The following ITGA9 variants were observed in gnomAD, a reference collection of about 807,000 sequenced individuals.
ITGA9 encodes the protein integrin alpha-9.
ITGA9 carries 56 observed loss-of-function variants against 127.8 expected under a neutral mutation model. The observed-to-expected ratio is 0.44, with a 90% CI of 0.35 to 0.55. The LOEUF (loss-of-function observed/expected upper bound fraction) is 0.55, where lower values mean the gene tolerates loss of function less well. ITGA9 is among the 20% of genes least tolerant of loss of function. The pLI is 0.00. For missense variants in ITGA9, 1,196 were observed against 1,347.1 expected (o/e 0.89, Z 1.76); for synonymous variants, 508 against 514.5 (o/e 0.99, Z 0.17).
At chr3:37,562,290 A>G (rs1699499480) in intron 15 of ITGA9, among the ~76,000 whole-genome samples, 1 of 152,140 alleles carries the variant, frequency 6.6e-6, no homozygotes, top group South Asian at 2.1e-4. Context: ...ACCTACAGAT[A>G]TCTGTCTGTC....
At chr3:37,614,323 T>G (rs13322926) in intron 15 of ITGA9, among the ~76,000 whole-genome samples, 9,559 of 151,694 alleles carry the variant, frequency 0.063, 923 homozygotes, top group African/African-American at 0.22. Context: ...CATTGATCTA[T>G]ATCTCTGTTT....
chr3:37,695,884 GT>G (rs1347212443), intron 18 of ITGA9, among the ~76,000 whole-genome samples: 3 of 152,336 alleles, frequency 2.0e-5, no homozygotes, highest in African/African-American at 7.2e-5. Flanking sequence ...ATGCACCTGT[GT>G]GGTACCCACA....
intron 23 of ITGA9, among the ~76,000 whole-genome samples, chr3:37,767,915 G>A (rs1245702688): frequency 6.6e-6 from 1 of 152,106 alleles, no homozygotes; most frequent in Non-Finnish European, 1.5e-5. Context: ...AATTAGCCAT[G>A]TTCATATTAA....
intron 15 of ITGA9, among the ~76,000 whole-genome samples, chr3:37,545,528 G>A (rs1393137383): frequency 6.6e-6 from 1 of 152,200 alleles, no homozygotes; most frequent in Non-Finnish European, 1.5e-5. Context: ...CACCTCCGGA[G>A]GGTATAGGAT....
At chr3:37,768,690 G>A (rs1405574888) in intron 23 of ITGA9, among the ~76,000 whole-genome samples, 1 of 152,044 alleles carries the variant, frequency 6.6e-6, no homozygotes, top group Non-Finnish European at 1.5e-5. Flanking sequence ...ACACAGAAAC[G>A]TGAGTTAACA....
At chr3:37,602,941 T>C (rs941647024) in intron 15 of ITGA9, among the ~76,000 whole-genome samples, 2 of 152,228 alleles carry the variant, frequency 1.3e-5, no homozygotes, top group Non-Finnish European at 2.9e-5. Flanking sequence ...TGCTACCCTC[T>C]AATGTTCTGT....
intron 16 of ITGA9, among the ~76,000 whole-genome samples, chr3:37,636,442 G>A (rs528213750): frequency 1.9e-3 from 287 of 152,304 alleles, no homozygotes; most frequent in Non-Finnish European, 3.3e-3. Flanking sequence ...TTTGAGAAAT[G>A]TCTGTTCATA....
At chr3:37,462,969 G>T (rs1698332067) in intron 1 of ITGA9, among the ~76,000 whole-genome samples, 2 of 152,178 alleles carry the variant, frequency 1.3e-5, no homozygotes, top group Non-Finnish European at 2.9e-5. Context: ...TCCTGGGTGT[G>T]ACTTCGGATA....
intron 18 of ITGA9, among the ~76,000 whole-genome samples, chr3:37,729,279 G>A (rs1696257448): frequency 6.6e-6 from 1 of 152,138 alleles, no homozygotes; most frequent in African/African-American, 2.4e-5. Context: ...CTATGTTGGT[G>A]CTGACAGGCA....
At chr3:37,489,286 G>A (rs1364171409) in intron 4 of ITGA9, among the ~76,000 whole-genome samples, 1 of 152,224 alleles carries the variant, frequency 6.6e-6, no homozygotes, top group African/African-American at 2.4e-5. Flanking sequence ...AATGTGCTTT[G>A]TGAAGCATAA....
chr3:37,480,829 C>G (rs1698545009), intron 3 of ITGA9, among the ~76,000 whole-genome samples: 1 of 152,164 alleles, frequency 6.6e-6, no homozygotes, highest in South Asian at 2.1e-4. Context: ...TGCATCATCT[C>G]TCACCTGGTG....
At chr3:37,510,029 T>TA (rs1559523706) in intron 8 of ITGA9, among the ~76,000 whole-genome samples, 144 of 151,354 alleles carry the variant, frequency 9.5e-4, no homozygotes, top group African/African-American at 3.5e-3. Flanking sequence ...GATTCCTTTT[T>TA]TTTTTTTTTT....
At chr3:37,741,497 C>T in intron 20 of ITGA9, among the ~76,000 whole-genome samples, 1 of 152,198 alleles carries the variant, frequency 6.6e-6, no homozygotes, top group East Asian at 1.9e-4. Context: ...CTGGCATTTC[C>T]TGGGGCCACC....
rs1006546835 is a variant in ITGA9, at chr3:37,513,899, A to G, written c.1034A>G (p.Asn345Ser). Residue 345 changes from asparagine (N) to serine (S), a missense_variant and splice_region_variant, in exon 9 of 28, where the codon AAT becomes AGT. Asn to Ser is a conservative substitution (Grantham distance 46). Coordinates refer to ENST00000264741, the MANE Select transcript of ITGA9 (RefSeq NM_002207.3). ...GTCACTGTCTACATCAACAGAGGAA[A>G]TGTGAGTACAATACTGGGCAATGTG... Reference protein sequence around the residue: ...GQVTVYINRGNGALEEQLALT... With the variant: ...GQVTVYINRGSGALEEQLALT... 3 of 1,613,070 alleles carry G rather than the reference A, an allele frequency of 1.9e-6. No homozygotes were observed. Among genetic ancestry groups the G allele is most frequent in the Non-Finnish European group, 2.5e-6 (3 of 1,180,000 alleles).
chr3:37,817,598 G>A (rs912479060), intron 27 of ITGA9, among the ~76,000 whole-genome samples: 2 of 152,150 alleles, frequency 1.3e-5, no homozygotes, highest in South Asian at 2.1e-4. Flanking sequence ...TTGTACACCC[G>A]ATACAGTCAG....
chr3:37,505,866 T>C (rs1353957234), intron 6 of ITGA9, 134 bp from the exon 7 acceptor site: 3 of 724,130 alleles, frequency 4.1e-6, no homozygotes, highest in African/African-American at 1.7e-5. Context: ...GGTTGACAGC[T>C]GCCATTTTTT....
chr3:37,710,704 A>T (rs962342611), intron 18 of ITGA9, among the ~76,000 whole-genome samples: 1 of 152,226 alleles, frequency 6.6e-6, no homozygotes, highest in African/African-American at 2.4e-5. Context: ...GACAACAGGC[A>T]GAAACCGGGA....
chr3:37,483,703 C>T (rs1698580168), intron 4 of ITGA9, among the ~76,000 whole-genome samples: 2 of 152,176 alleles, frequency 1.3e-5, no homozygotes, highest in Admixed American at 1.3e-4. Context: ...GCCTCCAGGA[C>T]AGAGGTGCTG....
At chr3:37,748,747 TA>T (rs34063758) in intron 22 of ITGA9, 69,835 of 446,596 alleles carry the variant, frequency 0.16, 118 homozygotes, top group East Asian at 0.19. Flanking sequence ...GACTCTGTCT[TA>T]AAAAAAAAAA....
Sources: gnomAD v4.1 joint callset for allele counts (sites outside exome capture counted in the v4.1 genomes callset) on GRCh38, gnomAD v4.1.1 for gene constraint, MANE v1.5 for transcripts, NCBI Gene and HGNC (gene_info 2026-07-23, HGNC 2026-07-21) for gene names.